The following RSPH14 variants were observed in gnomAD, a reference collection of about 807,000 sequenced individuals.
RSPH14 encodes the protein rhabdoid tumor deletion region gene 1.
RSPH14 carries 20 observed loss-of-function variants against 26.7 expected under a neutral mutation model. The observed-to-expected ratio is 0.75, with a 90% CI of 0.53 to 1.09. RSPH14 has a LOEUF of 1.09. RSPH14 is among the 50% of genes least tolerant of loss of function. The pLI is 0.00. For missense variants in RSPH14, 449 were observed against 457.2 expected, an observed-to-expected ratio of 0.98 and a Z score of 0.16; for synonymous variants, 177 against 189.3, an observed-to-expected ratio of 0.93 and a Z score of 0.53.
upstream of RSPH14, among the ~76,000 whole-genome samples, chr22:23,148,229 T>C (rs1013700257): frequency 2.0e-5 from 3 of 152,198 alleles, no homozygotes; most frequent in Admixed American, 6.5e-5. Flanking sequence ...GTCTCAGACC[T>C]GTGGACAGTT....
At chr22:23,161,596 G>GCA in the RSPH14 span, 7 of 1,533,170 alleles carry the variant, frequency 4.6e-6, no homozygotes, top group Non-Finnish European at 6.2e-6. Flanking sequence ...TCCGCTCCCT[G>GCA]CACACACACG....
chr22:23,087,112 A>G lies in RSPH14; in HGVS notation c.422-22979T>C, dbSNP rs576675207. ...CCAGACCTTCGGTTTCTAAAATAGT[A>G]TCATGGTGGGAGCTGATGTAGGGAC... On this transcript the variant is annotated intron_variant, in intron 4 of 6. Coordinates refer to ENST00000216036, the MANE Select transcript of RSPH14 (RefSeq NM_014433.3). Among the ~76,000 whole-genome samples the G allele has an allele frequency of 1.1e-4, 17 of 152,324 alleles. No homozygotes were observed. The East Asian group carries it at 3.1e-3, about 28-fold the overall frequency.
chr22:23,143,318 AATAAATAAATAAATAG>A (rs1401317686), upstream of RSPH14, among the ~76,000 whole-genome samples: 43 of 144,176 alleles, frequency 3.0e-4, no homozygotes, highest in Admixed American at 7.5e-4. Flanking sequence ...TAAATAAATA[AATAAATAAATAAATAG>A]ATATAATTTT....
chr22:23,124,367 A>G, intron 4 of RSPH14: 1 of 461,892 alleles, frequency 2.2e-6, no homozygotes, highest in African/African-American at 2.0e-5. Flanking sequence ...TGAGTGTAAA[A>G]GTTGTTATCT....
chr22:23,167,929 T>C, the RSPH14 span, among the ~76,000 whole-genome samples: 15 of 152,144 alleles, frequency 9.9e-5, no homozygotes, highest in East Asian at 2.7e-3. Flanking sequence ...CATAGCTCAG[T>C]GCAACTTTCC....
At chr22:23,082,982 C>T (rs759453582) in intron 4 of RSPH14, among the ~76,000 whole-genome samples, 30 of 152,084 alleles carry the variant, frequency 2.0e-4, no homozygotes, top group Non-Finnish European at 3.1e-4. Flanking sequence ...GGGGCGTGAG[C>T]TGGCTGGGAT....
At chr22:23,172,961 A>T in the RSPH14 span, among the ~76,000 whole-genome samples, 1 of 151,848 alleles carries the variant, frequency 6.6e-6, no homozygotes, top group Non-Finnish European at 1.5e-5. Flanking sequence ...AAAAAAAAAA[A>T]GAATGTCATA....
intron 3 of RSPH14, among the ~76,000 whole-genome samples, chr22:23,136,508 C>T (rs9612240): frequency 0.31 from 42,796 of 136,886 alleles, 12,596 homozygotes; most frequent in Middle Eastern, 0.44. Context: ...TATCAGGTCC[C>T]TGGTCAGGGA....
At chr22:23,138,408 A>G (rs542826006) in intron 3 of RSPH14, among the ~76,000 whole-genome samples, 1 of 152,286 alleles carries the variant, frequency 6.6e-6, no homozygotes, top group South Asian at 2.1e-4. Flanking sequence ...TAAAAATACA[A>G]AAATTAGCTG....
At chr22:23,168,509 C>G in the RSPH14 span, among the ~76,000 whole-genome samples, 6 of 150,884 alleles carry the variant, frequency 4.0e-5, no homozygotes, top group Admixed American at 1.3e-4. Context: ...CACACACACA[C>G]AGACACCTGC....
chr22:23,063,792 A>G (rs561862120), intron 5 of RSPH14, 110 bp downstream of exon 5: 1 of 965,454 alleles, frequency 1.0e-6, no homozygotes, highest in African/African-American at 1.6e-5. Context: ...CCTGGGCACA[A>G]GCAGGCAAGG....
At chr22:23,062,712 G>A (rs2068121109) in intron 5 of RSPH14, among the ~76,000 whole-genome samples, 1 of 152,262 alleles carries the variant, frequency 6.6e-6, no homozygotes, top group African/African-American at 2.4e-5. Flanking sequence ...GAGCCTTTCA[G>A]GGCAGTGGGC....
chr22:23,067,811 G>C (rs1299006724), intron 4 of RSPH14, among the ~76,000 whole-genome samples: 1 of 151,934 alleles, frequency 6.6e-6, no homozygotes, highest in Non-Finnish European at 1.5e-5. Context: ...CTCCTAACAT[G>C]CTCTTGGTCT....
At chr22:23,078,577 C>T (rs571057946) in intron 4 of RSPH14, among the ~76,000 whole-genome samples, 49 of 152,366 alleles carry the variant, frequency 3.2e-4, no homozygotes, top group Non-Finnish European at 5.4e-4. Context: ...TCCCTCCTCC[C>T]AGGATGGTGT....
the RSPH14 span, chr22:23,164,299 C>G: frequency 6.6e-6 from 1 of 152,264 alleles, no homozygotes; most frequent in Middle Eastern, 3.2e-3. Context: ...GCCTCACGTA[C>G]ACCCCCACCT....
intron 4 of RSPH14, among the ~76,000 whole-genome samples, chr22:23,104,250 G>A (rs555441471): frequency 9.2e-5 from 14 of 152,186 alleles, no homozygotes; most frequent in African/African-American, 3.1e-4. Context: ...GGGCAAGGTC[G>A]CAGGCACAGT....
upstream of RSPH14, chr22:23,142,014 C>T: frequency 1.0e-6 from 1 of 985,500 alleles, no homozygotes; most frequent in Non-Finnish European, 1.2e-6. Flanking sequence ...AGTTGCCAGG[C>T]GACATCGTTG....
At chr22:23,130,084 GAAGA>G (rs1221656067) in intron 4 of RSPH14, among the ~76,000 whole-genome samples, 5,114 of 51,232 alleles carry the variant, frequency 0.1, 51 homozygotes, top group East Asian at 0.13. Flanking sequence ...AGAAAGAAAG[GAAGA>G]AAGAAAGAAA....
rs79783008 is a variant in RSPH14 at position 23,129,067 on chromosome 22, C to T, written c.421+4959G>A. ...GGTGATGGTACTGCCCAAGGTCACA[C>T]GCTGGTAAGAACAGAGCCACTGAAA... On this transcript the variant is annotated intron_variant, in intron 4 of 6. Transcript: ENST00000216036. Among the ~76,000 whole-genome samples, 886 of 152,270 alleles carry T rather than the reference C, an allele frequency of 5.8e-3. 25 individuals are homozygous for T. In the East Asian group the frequency reaches 0.086, roughly 15 times the overall value.
Sources: gnomAD v4.1 joint callset for allele counts (sites outside exome capture counted in the v4.1 genomes callset) on GRCh38, gnomAD v4.1.1 for gene constraint, MANE v1.5 for transcripts, NCBI Gene and HGNC (gene_info 2026-07-23, HGNC 2026-07-21) for gene names.